Variants in PLXDC2 observed in about 807,000 individuals in gnomAD.
The protein encoded by PLXDC2 is plexin domain-containing protein 2.
A neutral mutation model predicts 68.9 loss-of-function variants in PLXDC2; 40 were observed. That is an observed-to-expected ratio of 0.58 (90% CI 0.45 to 0.76). The LOEUF is 0.76. PLXDC2 is among the 30% of genes least tolerant of loss of function. The probability of loss-of-function intolerance (pLI) is 0.00; values close to 1 mark genes in which losing one functional copy is unlikely to be tolerated. For missense variants in PLXDC2, 644 were observed against 661.9 expected, an observed-to-expected ratio of 0.97 and a Z score of 0.30; for synonymous variants, 243 against 234.2, an observed-to-expected ratio of 1.04 and a Z score of -0.34.
At chr10:20,122,535 G>GCTT (rs1833713309) in intron 4 of PLXDC2, among the ~76,000 whole-genome samples, 1 of 152,194 alleles carries the variant, frequency 6.6e-6, no homozygotes, top group Non-Finnish European at 1.5e-5. Flanking sequence ...ATTTCCAGTG[G>GCTT]AGTCCCGCAC....
intron 1 of PLXDC2, among the ~76,000 whole-genome samples, chr10:19,952,173 ATTTT>A (rs1391081318): frequency 1.3e-5 from 2 of 152,134 alleles, no homozygotes; most frequent in African/African-American, 2.4e-5. Context: ...TAAAAAATAC[ATTTT>A]TTAAAATGTA....
At chr10:20,033,141 C>G (rs1472822057) in intron 2 of PLXDC2, among the ~76,000 whole-genome samples, 1 of 151,378 alleles carries the variant, frequency 6.6e-6, no homozygotes, top group Non-Finnish European at 1.5e-5. Flanking sequence ...ATGTAACAAA[C>G]CTGCACGTTG....
Position 19,838,010 on chromosome 10 carries a change from T to C in PLXDC2, c.112+20819T>C, listed in dbSNP as rs560879743. ...AAATTTATATATTTATTGATTTATTTATTTTTGAGACAGGGTCTCATTCTA... is the reference window on the plus strand; with the variant it reads ...AAATTTATATATTTATTGATTTATTCATTTTTGAGACAGGGTCTCATTCTA... On this transcript the variant is annotated intron_variant, in intron 1 of 13. Transcript: ENST00000377252. Among the ~76,000 whole-genome samples the C allele has an allele frequency of 5.3e-5, 8 of 152,292 alleles. No homozygotes were observed. In the South Asian group the frequency reaches 1.7e-3, roughly 32 times the overall value.
intron 2 of PLXDC2, among the ~76,000 whole-genome samples, chr10:20,024,797 C>T (rs1034871218): frequency 2.0e-5 from 3 of 152,046 alleles, no homozygotes; most frequent in African/African-American, 7.2e-5. Context: ...TCAGGTCCTA[C>T]TTATAAGTGA....
chr10:20,230,707 A>AAAAAAAAAAAAAAC (rs1564361132), intron 12 of PLXDC2, among the ~76,000 whole-genome samples: 1 of 149,408 alleles, frequency 6.7e-6, no homozygotes. Flanking sequence ...AAAAAAAAAA[A>AAAAAAAAAAAAAAC]AAAAAAACAG....
chr10:20,032,861 A>G (rs1835522723), intron 2 of PLXDC2, among the ~76,000 whole-genome samples: 1 of 151,860 alleles, frequency 6.6e-6, no homozygotes, highest in South Asian at 2.1e-4. Context: ...GGAATATCAT[A>G]GGTACATACA....
At chr10:19,966,428 A>G (rs565623631) in intron 1 of PLXDC2, among the ~76,000 whole-genome samples, 8 of 149,568 alleles carry the variant, frequency 5.3e-5, no homozygotes, top group Non-Finnish European at 1.5e-5. Flanking sequence ...AAAAATATAT[A>G]TGTGCACATA....
At chr10:20,009,483 A>C (rs773631354) in intron 2 of PLXDC2, among the ~76,000 whole-genome samples, 12 of 152,112 alleles carry the variant, frequency 7.9e-5, no homozygotes, top group South Asian at 2.1e-4. Flanking sequence ...TTAATCCTGA[A>C]GAAGTGCACA....
chr10:19,841,025 C>T (rs1836894107), intron 1 of PLXDC2, among the ~76,000 whole-genome samples: 2 of 152,146 alleles, frequency 1.3e-5, no homozygotes, highest in South Asian at 4.1e-4. Flanking sequence ...CCTCAGCTGT[C>T]TAGAATAGGC....
chr10:20,109,987 C>T (rs539030482), intron 4 of PLXDC2, among the ~76,000 whole-genome samples: 4 of 152,210 alleles, frequency 2.6e-5, no homozygotes, highest in Admixed American at 2.6e-4. Context: ...TCTCAGAAGG[C>T]ATATGTCTAG....
chr10:20,097,359 A>T (rs556737872), intron 4 of PLXDC2, among the ~76,000 whole-genome samples: 6,907 of 152,270 alleles, frequency 0.045, 201 homozygotes, highest in Middle Eastern at 0.12. Flanking sequence ...AATGAAAAAA[A>T]TTTAATAACC....
rs59999548 is a variant in PLXDC2 at position 20,189,476 on chromosome 10, C to CATATATATATATATATATAT, written c.1061+12077_1061+12096dup. Among the ~76,000 whole-genome samples the CATATATATATATATATATAT allele has an allele frequency of 3.0e-3, 224 of 75,720 alleles. 3 individuals are homozygous for CATATATATATATATATATAT. The highest frequency in any genetic ancestry group is 4.9e-3 in the South Asian group (10 of 2,042). The allele number at this position is 75,720 out of a possible 152,430, so 49.7% of individuals were successfully genotyped here. On this transcript the variant is annotated intron_variant, in intron 9 of 13. Transcript: ENST00000377252. ...CACACTTTTTAAAAGAAAGGTAGGC[C>CATATATATATATATATATAT]ATATATATATATATATATATATATA...
intron 1 of PLXDC2, among the ~76,000 whole-genome samples, chr10:19,836,700 T>C (rs1469800705): frequency 1.3e-5 from 2 of 152,226 alleles, no homozygotes; most frequent in Non-Finnish European, 1.5e-5. Context: ...GACCAGGATA[T>C]GTAAAATAAT....
chr10:19,816,852 C>T lies in PLXDC2; in HGVS notation c.-228C>T, dbSNP rs1836351549. The T allele has an allele frequency of 1.7e-6, 1 of 572,988 alleles. No homozygotes were observed. The highest frequency in any genetic ancestry group is 3.3e-5 in the Admixed American group (1 of 30,398). The allele number at this position is 572,988 out of a possible 1,614,324, so 35.5% of individuals were successfully genotyped here. The stretch of plus-strand genomic sequence containing the variant: ...TGTCGGGTGAGGGCTGCGAGTGTGG[C>T]AAGTTGCAAAGAGAGCCTCAGAGGT... On this transcript the variant is annotated 5_prime_UTR_variant, in exon 1 of 14. Coordinates refer to ENST00000377252, the MANE Select transcript of PLXDC2 (RefSeq NM_032812.9).
chr10:19,943,193 T>C (rs1444929384), intron 1 of PLXDC2, among the ~76,000 whole-genome samples: 1 of 150,854 alleles, frequency 6.6e-6, no homozygotes, highest in East Asian at 2.1e-4. Flanking sequence ...CCCACGATTA[T>C]TGAATAATCC....
chr10:19,938,634 A>G (rs950824036), intron 1 of PLXDC2, among the ~76,000 whole-genome samples: 2 of 152,178 alleles, frequency 1.3e-5, no homozygotes, highest in African/African-American at 4.8e-5. Context: ...CCTACCTCCA[A>G]TGTGGGTATT....
intron 12 of PLXDC2, among the ~76,000 whole-genome samples, chr10:20,223,067 T>C (rs1835236116): frequency 6.6e-6 from 1 of 152,138 alleles, no homozygotes; most frequent in Non-Finnish European, 1.5e-5. Flanking sequence ...GTTTATTGAA[T>C]TGAATGGTTG....
chr10:20,037,539 A>G (rs1835599641), intron 2 of PLXDC2, among the ~76,000 whole-genome samples: 1 of 152,136 alleles, frequency 6.6e-6, no homozygotes, highest in African/African-American at 2.4e-5. Flanking sequence ...TTTGGGGCTC[A>G]TTCTTGAAAA....
At chr10:19,978,299 A>G (rs1408427630) in intron 1 of PLXDC2, among the ~76,000 whole-genome samples, 4 of 152,176 alleles carry the variant, frequency 2.6e-5, no homozygotes, top group Non-Finnish European at 5.9e-5. Context: ...CTCAAATTGT[A>G]CATGTCAATT....
Sources: allele counts gnomAD v4.1 joint callset (sites outside exome capture counted in the v4.1 genomes callset), GRCh38; gene constraint gnomAD v4.1.1; transcripts MANE v1.5; gene names NCBI Gene and HGNC (gene_info 2026-07-23, HGNC 2026-07-21).